SRSF10: variants seen among roughly 807,000 people sequenced by gnomAD.
SRSF10 encodes the protein serine and arginine rich splicing factor 10, also known as serine/arginine-rich splicing factor 10.
In SRSF10, 9 loss-of-function variants were observed where a neutral mutation model predicts 32.6. The ratio of observed to expected loss-of-function variants is 0.28; its 90% CI spans 0.17 to 0.48. SRSF10 has a LOEUF of 0.48. Ranked by LOEUF, SRSF10 falls within the 20% of genes least tolerant of loss-of-function variation. The pLI is 0.99. For missense variants in SRSF10, 201 were observed against 331.8 expected, an observed-to-expected ratio of 0.61 and a Z score of 3.06; for synonymous variants, 105 against 112.4, an observed-to-expected ratio of 0.93 and a Z score of 0.42.
intron 2 of SRSF10, chr1:23,978,255 C>T: frequency 5.1e-6 from 5 of 987,012 alleles, no homozygotes; most frequent in Non-Finnish European, 6.0e-6. Flanking sequence ...GTCGCCATAA[C>T]TGTACAGCTT....
chr1:23,976,798 T>G (rs1338808383), intron 2 of SRSF10: 2 of 152,240 alleles, frequency 1.3e-5, no homozygotes, highest in Non-Finnish European at 2.9e-5. Context: ...ATGTCAGTCA[T>G]GGAGAAATTT....
chr1:23,971,460 T>G, intron 5 of SRSF10, 21 bp from the exon 6 acceptor site: 1 of 1,594,646 alleles, frequency 6.3e-7, no homozygotes, highest in South Asian at 1.2e-5. Context: ...AGAGGAGAGA[T>G]ATAATTAGAG....
intron 1 of SRSF10, 61 bp downstream of exon 1, chr1:23,980,130 G>A (rs1642374046): frequency 2.5e-5 from 37 of 1,489,972 alleles, no homozygotes; most frequent in South Asian, 1.2e-5. Flanking sequence ...CCACCACCAG[G>A]GTCCTCTCCA....
intron 2 of SRSF10, chr1:23,977,096 C>CT (rs1403164731): frequency 6.6e-6 from 1 of 152,192 alleles, no homozygotes; most frequent in Non-Finnish European, 1.5e-5. Flanking sequence ...ATTATTTTCT[C>CT]TGTAATGGAG....
At chr1:23,980,035 A>T (rs1642366620) in intron 1 of SRSF10, among the ~76,000 whole-genome samples, 156 bp downstream of exon 1, 1 of 152,220 alleles carries the variant, frequency 6.6e-6, no homozygotes. Context: ...GCGGCGGCTG[A>T]GGCCCGCTGC....
At chr1:23,973,344 T>G (rs908184136) in intron 3 of SRSF10, among the ~76,000 whole-genome samples, 19 of 152,192 alleles carry the variant, frequency 1.2e-4, no homozygotes, top group Non-Finnish European at 2.2e-4. Flanking sequence ...AGTGCCTTTT[T>G]GTTTTGAGAT....
At chr1:23,976,573 G>C (rs1009157588) in intron 2 of SRSF10, 1 of 152,186 alleles carries the variant, frequency 6.6e-6, no homozygotes, top group African/African-American at 2.4e-5. Flanking sequence ...CCAAGAGACA[G>C]AATATAATAA....
In SRSF10 at chr1:23,978,800, C is replaced by T; in HGVS notation, c.83G>A (p.Arg28His). The T allele has an allele frequency of 6.2e-7, 1 of 1,603,890 alleles. No homozygotes were observed. The highest frequency in any genetic ancestry group is 8.5e-7 in the Non-Finnish European group (1 of 1,174,244). ...TATAGGACCATAACGACCAAATTCA[C>T]GCCGCAAGTCTTCAGACCTAAAACA... Reference protein sequence around the residue: ...ADDTRSEDLRREFGRYGPIVD... With the variant: ...ADDTRSEDLRHEFGRYGPIVD... Residue 28 changes from arginine to histidine, a missense_variant, in exon 2 of 6, where the codon CGT (arginine) becomes CAT (histidine). Arg to His is a conservative substitution (Grantham distance 29). Transcript: ENST00000492112.
chr1:23,966,767 T>C lies in SRSF10; in HGVS notation c.*4375A>G, dbSNP rs1641472373. The C allele has an allele frequency of 6.6e-6, 1 of 152,082 alleles. No homozygotes were observed. Among genetic ancestry groups the C allele is most frequent in the East Asian group, 1.9e-4 (1 of 5,202 alleles). 9.4% of individuals were successfully genotyped at this position (152,082 alleles called of 1,614,324 possible). A position where few individuals can be genotyped will look rare whatever the true frequency, so the allele number is the denominator to read the frequency against. ...ATAAACCAGTTTATTACAGATTAAA[T>C]CATTTTTTCATTATTTATAATAATG... On this transcript the variant is annotated 3_prime_UTR_variant, in exon 6 of 6. Coordinates refer to ENST00000492112, the MANE Select transcript of SRSF10 (RefSeq NM_054016.4).
chr1:23,980,144 G>A, intron 1 of SRSF10, 47 bp downstream of exon 1: 1 of 1,517,148 alleles, frequency 6.6e-7, no homozygotes, highest in Non-Finnish European at 8.8e-7. Flanking sequence ...CTCTCCAGGC[G>A]CCTGCGGCCT....
Position 23,969,008 on chromosome 1 carries a change from A to C in SRSF10, c.*2134T>G, listed in dbSNP as rs983479910. On this transcript the variant is annotated 3_prime_UTR_variant, in exon 6 of 6. Coordinates refer to ENST00000492112, the MANE Select transcript of SRSF10 (RefSeq NM_054016.4). ...CAACAATGATTTAAAATATTCCTAA[A>C]TCTATAAAGGACTGTTTCCATTGTT... 5.9e-6 allele frequency: 4 copies of C among 677,808 alleles called. No individual in the cohort carries two copies. The African/African-American group carries it at 7.8e-5, about 13-fold the overall frequency. The allele number at this position is 677,808 out of a possible 1,614,324, so 42.0% of individuals were successfully genotyped here.
chr1:23,967,857 G>A lies in SRSF10; in HGVS notation c.*3285C>T. The A allele has an allele frequency of 1.9e-6, 3 of 1,550,250 alleles. No individual in the cohort carries two copies. The highest frequency in any genetic ancestry group is 2.6e-6 in the Non-Finnish European group (3 of 1,146,948). On this transcript the variant is annotated 3_prime_UTR_variant, in exon 6 of 6. Coordinates refer to ENST00000492112, the MANE Select transcript of SRSF10 (RefSeq NM_054016.4). ...CAAGAGAATAATACAATAGTTCCCA[G>A]GTCTTTCCCCTGGGATGTAACTTAA...
rs1641438549 is a variant in SRSF10 at position 23,966,130 on chromosome 1, C to T, written c.*5012G>A. On this transcript the variant is annotated 3_prime_UTR_variant, in exon 6 of 6. Transcript: ENST00000492112. ...ACAAACATGGTAACAAAAGATGAAA[C>T]AAGTGAAAAATTATGGGCTGTAACC... 2 of 151,810 alleles carry T rather than the reference C, an allele frequency of 1.3e-5. No homozygotes were observed. The highest frequency in any genetic ancestry group is 3.0e-5 in the Non-Finnish European group (2 of 67,784). 9.4% of individuals were successfully genotyped at this position (151,810 alleles called of 1,614,324 possible). A position where few individuals can be genotyped will look rare whatever the true frequency, so the allele number is the denominator to read the frequency against.
At chr1:23,980,146 C>A in intron 1 of SRSF10, 45 bp downstream of exon 1, 1 of 1,524,726 alleles carries the variant, frequency 6.6e-7, no homozygotes. Context: ...CTCCAGGCGC[C>A]TGCGGCCTCC....
rs1641714275 is a variant in SRSF10 at position 23,970,850 on chromosome 1, A to G, written c.*292T>C. The G allele has an allele frequency of 5.2e-6, 6 of 1,145,618 alleles. No individual in the cohort carries two copies. The highest frequency in any genetic ancestry group is 7.0e-5 in the South Asian group (2 of 28,740). The allele number at this position is 1,145,618 out of a possible 1,614,324, so 71.0% of individuals were successfully genotyped here. On this transcript the variant is annotated 3_prime_UTR_variant, in exon 6 of 6. Coordinates refer to ENST00000492112, the MANE Select transcript of SRSF10 (RefSeq NM_054016.4). The stretch of plus-strand genomic sequence containing the variant: ...TTTTAATGAGACAATGTTGCAAATT[A>G]TGGTCAACCAACATCTTTTCACCAA...
Position 23,970,917 on chromosome 1 carries a change from C to G in SRSF10, c.*225G>C. On this transcript the variant is annotated 3_prime_UTR_variant, in exon 6 of 6. Coordinates refer to ENST00000492112, the MANE Select transcript of SRSF10 (RefSeq NM_054016.4). The stretch of plus-strand genomic sequence containing the variant: ...AAATGAGAATCTTTACAAAAATATA[C>G]AGAGACACCACAAATTGGTAGCTGC... 8.1e-7 allele frequency: 1 copy of G among 1,241,760 alleles called. No homozygotes were observed. 76.9% of individuals were successfully genotyped at this position (1,241,760 alleles called of 1,614,324 possible). A position where few individuals can be genotyped will look rare whatever the true frequency, so the allele number is the denominator to read the frequency against.
At chr1:23,979,725 G>A (rs1642332762) in intron 1 of SRSF10, among the ~76,000 whole-genome samples, 1 of 152,006 alleles carries the variant, frequency 6.6e-6, no homozygotes, top group Non-Finnish European at 1.5e-5. Flanking sequence ...TATTAACAAC[G>A]GCAACAACAA....
chr1:23,964,436 C>T lies in SRSF10; in HGVS notation c.*6706G>A, dbSNP rs1641358226. 6.6e-6 allele frequency among the ~76,000 whole-genome samples: 1 copy of T among 151,934 alleles called. No individual in the cohort carries two copies. The highest frequency in any genetic ancestry group is 1.5e-5 in the Non-Finnish European group (1 of 67,864). Reference sequence around the variant, plus strand: ...ATGCAATTGCGAGAACCAAAAATAGCTGGTACAGAGAACTTACCATGTAAG... The same window carrying T: ...ATGCAATTGCGAGAACCAAAAATAGTTGGTACAGAGAACTTACCATGTAAG... On this transcript the variant is annotated 3_prime_UTR_variant, in exon 6 of 6. Coordinates refer to ENST00000492112, the MANE Select transcript of SRSF10 (RefSeq NM_054016.4).
At position 23,968,396 on chromosome 1, in the gene SRSF10, C is replaced by G. The variant is rs1160990723; in HGVS notation, c.*2746G>C. Among the ~76,000 whole-genome samples the G allele has an allele frequency of 6.7e-6, 1 of 149,836 alleles. No homozygotes were observed. The highest frequency in any genetic ancestry group is 1.5e-5 in the Non-Finnish European group (1 of 66,590). Reference sequence around the variant, plus strand: ...ATTATAGTCTGTAAAACAAACAAAACCCCCCCAAAACTAAGGGACCAGGCC... The same window carrying G: ...ATTATAGTCTGTAAAACAAACAAAAGCCCCCCAAAACTAAGGGACCAGGCC... On this transcript the variant is annotated 3_prime_UTR_variant, in exon 6 of 6. Transcript: ENST00000492112.
Sources: gnomAD v4.1 joint callset for allele counts (sites outside exome capture counted in the v4.1 genomes callset) on GRCh38, gnomAD v4.1.1 for gene constraint, MANE v1.5 for transcripts, NCBI Gene and HGNC (gene_info 2026-07-23, HGNC 2026-07-21) for gene names.